The following RHPN1 variants were observed in gnomAD, a reference collection of about 807,000 sequenced individuals.
RHPN1 encodes the protein rhophilin Rho GTPase binding protein 1.
In RHPN1, 77 loss-of-function variants were observed where a neutral mutation model predicts 74.7. The observed-to-expected ratio is 1.03, with a 90% CI of 0.86 to 1.25. RHPN1 has a LOEUF of 1.25. Ranked by LOEUF, RHPN1 falls within the 50% of genes most tolerant of loss-of-function variation. The probability of loss-of-function intolerance (pLI) is 0.00; values close to 1 mark genes in which losing one functional copy is unlikely to be tolerated. For missense variants in RHPN1, 987 were observed against 932.2 expected, an observed-to-expected ratio of 1.06 and a Z score of -0.77; for synonymous variants, 444 against 414.5, an observed-to-expected ratio of 1.07 and a Z score of -0.87.
At chr8:143,368,743 G>A (rs1056624396), upstream of RHPN1, 19 of 298,650 alleles carry the variant, frequency 6.4e-5, no homozygotes, top group African/African-American at 2.2e-4. Context: ...CTGGTTGGCT[G>A]ATATAGCTGT....
At chr8:143,365,932 G>A (rs1817551483), upstream of RHPN1, among the ~76,000 whole-genome samples, 1 of 151,748 alleles carries the variant, frequency 6.6e-6, no homozygotes, top group South Asian at 2.1e-4. Flanking sequence ...AGGAGGTTGA[G>A]GCTGCAGTGA....
At chr8:143,370,233 G>A (rs746363495) in intron 1 of RHPN1, among the ~76,000 whole-genome samples, 2 of 152,240 alleles carry the variant, frequency 1.3e-5, no homozygotes, top group Non-Finnish European at 2.9e-5. Context: ...CCCTCCCTGG[G>A]CTGCCACCTT....
At chr8:143,380,297 T>C in intron 10 of RHPN1, 122 bp downstream of exon 10, 1 of 753,988 alleles carries the variant, frequency 1.3e-6, no homozygotes, top group Non-Finnish European at 2.1e-6. Flanking sequence ...TTGGGCCACC[T>C]ACCTATCCCT....
intron 1 of RHPN1, among the ~76,000 whole-genome samples, chr8:143,371,780 C>T (rs1250504138): frequency 6.6e-6 from 1 of 152,208 alleles, no homozygotes; most frequent in Non-Finnish European, 1.5e-5. Flanking sequence ...AGTGGGGTGT[C>T]AGGGCACCGT....
chr8:143,371,127 G>A (rs1817793085), intron 1 of RHPN1, among the ~76,000 whole-genome samples: 1 of 152,184 alleles, frequency 6.6e-6, no homozygotes, highest in Non-Finnish European at 1.5e-5. Flanking sequence ...GAGCATCAGA[G>A]AGAGTGGGAG....
intron 10 of RHPN1, 58 bp downstream of exon 10, chr8:143,380,233 G>GGACACCCTGCCACCGT: frequency 8.2e-7 from 1 of 1,215,040 alleles, no homozygotes; most frequent in South Asian, 1.5e-5. Context: ...CGGTGGCAGG[G>GGACACCCTGCCACCGT]TGTCCCCCAC....
chr8:143,376,427 G>T, intron 2 of RHPN1, 98 bp from the exon 3 acceptor site: 1 of 1,530,826 alleles, frequency 6.5e-7, no homozygotes, highest in Non-Finnish European at 8.9e-7. Flanking sequence ...GGGTGGGCTT[G>T]GAGCTTTGAC....
rs1334899017 is a variant in RHPN1 at position 143,381,865 on chromosome 8, G to A, written c.1694G>A (p.Trp565Ter). 1 of 1,613,072 alleles carries A rather than the reference G, an allele frequency of 6.2e-7. No homozygotes were observed. The highest frequency in any genetic ancestry group is 1.1e-5 in the South Asian group (1 of 91,070). Residue 565 changes from tryptophan to a stop codon, truncating the protein, a stop_gained, in exon 14 of 15, where the codon TGG (tryptophan) becomes TAG (stop). Transcript: ENST00000289013. LOFTEE classifies it high-confidence loss of function. ...IVSVNGQPCR[W>*]WRHAEVVTEL... ...TCAGTGAATGGGCAGCCATGCAGGTGGTGGAGACACGCGGAGGTGGTGACG... is the reference window on the plus strand; with the variant it reads ...TCAGTGAATGGGCAGCCATGCAGGTAGTGGAGACACGCGGAGGTGGTGACG...
At position 143,380,590 on chromosome 8, in the gene RHPN1, CA is replaced by C; in HGVS notation, c.1220del (p.Lys407ArgfsTer4). ...QELEERRQLG[K>X]AHLKRAILGQ... Reference sequence around the variant, plus strand: ...GACATCCCAGTGCCCCGCGTGCAGGCAAGGCACACCTGAAGCGTGCCATCCT... The same window carrying C: ...GACATCCCAGTGCCCCGCGTGCAGGCAGGCACACCTGAAGCGTGCCATCCT... On this transcript the variant is annotated frameshift_variant and splice_region_variant, in exon 11 of 15. Transcript: ENST00000289013. LOFTEE classifies it high-confidence loss of function. 6.6e-7 allele frequency: 1 copy of C among 1,505,744 alleles called. No individual in the cohort carries two copies. The highest frequency in any genetic ancestry group is 8.9e-7 in the Non-Finnish European group (1 of 1,123,234). The allele number at this position is 1,505,744 out of a possible 1,614,324, so 93.3% of individuals were successfully genotyped here.
At chr8:143,381,449 C>T in intron 12 of RHPN1, 105 bp downstream of exon 12, 3 of 1,450,516 alleles carry the variant, frequency 2.1e-6, no homozygotes, top group Non-Finnish European at 2.8e-6. Flanking sequence ...GTCCAGCCCT[C>T]CCCACCCACC....
intron 1 of RHPN1, among the ~76,000 whole-genome samples, chr8:143,371,531 C>G (rs1817820493): frequency 6.6e-6 from 1 of 152,136 alleles, no homozygotes; most frequent in Non-Finnish European, 1.5e-5. Context: ...GTTCCCAGAC[C>G]TGGGCTGGGA....
At chr8:143,379,202 A>G in intron 7 of RHPN1, 113 bp from the exon 8 acceptor site, 2 of 1,385,374 alleles carry the variant, frequency 1.4e-6, no homozygotes, top group South Asian at 2.9e-5. Flanking sequence ...GAGTGAGCAC[A>G]TCAGGTCCAT....
At chr8:143,378,400 G>T in intron 5 of RHPN1, 54 bp downstream of exon 5, 1 of 1,095,428 alleles carries the variant, frequency 9.1e-7, no homozygotes, top group Non-Finnish European at 1.2e-6. Context: ...GACACATGCG[G>T]AGGCTGAAGC....
In RHPN1 at chr8:143,369,740, G is replaced by A. The variant is rs185167231; in HGVS notation, c.60+693G>A. Among the ~76,000 whole-genome samples the A allele has an allele frequency of 8.3e-3, 1,258 of 152,262 alleles. 15 individuals are homozygous for A. The highest frequency in any genetic ancestry group is 0.028 in the African/African-American group (1,150 of 41,552). ...CCAGTCCTCCTGCCAGGCCCTGGGC[G>A]CCCACGCCCGCCACGGGCTTTCAGC... is the stretch of plus-strand genomic sequence containing the variant. On this transcript the variant is annotated intron_variant, in intron 1 of 14. Coordinates refer to ENST00000289013, the MANE Select transcript of RHPN1 (RefSeq NM_052924.3).
In RHPN1 at chr8:143,368,878, T is replaced by C; in HGVS notation, c.-110T>C. The C allele has an allele frequency of 1.3e-6, 1 of 750,980 alleles. No homozygotes were observed. The highest frequency in any genetic ancestry group is 3.8e-5 in the East Asian group (1 of 26,480). The allele number at this position is 750,980 out of a possible 1,614,324, so 46.5% of individuals were successfully genotyped here. The stretch of plus-strand genomic sequence containing the variant: ...GACAGTCGGGGACCGGCGCGGGCAC[T>C]CAGGAGCCCGCGGCCCAGGTGGTGC... On this transcript the variant is annotated 5_prime_UTR_variant, in exon 1 of 15. Coordinates refer to ENST00000289013, the MANE Select transcript of RHPN1 (RefSeq NM_052924.3).
chr8:143,370,225 C>G (rs1817735289), intron 1 of RHPN1, among the ~76,000 whole-genome samples: 1 of 152,178 alleles, frequency 6.6e-6, no homozygotes, highest in Non-Finnish European at 1.5e-5. Flanking sequence ...TGTCCTGGCC[C>G]TCCCTGGGCT....
Position 143,377,511 on chromosome 8 carries a change from G to A in RHPN1, c.381+56G>A, listed in dbSNP as rs1340865605. 3.1e-6 allele frequency: 4 copies of A among 1,272,564 alleles called. No homozygotes were observed. In the Middle Eastern group the frequency reaches 5.7e-4, roughly 180 times the overall value. 78.8% of individuals were successfully genotyped at this position (1,272,564 alleles called of 1,614,324 possible). On this transcript the variant is annotated intron_variant, in intron 4 of 14. Transcript: ENST00000289013. Reference sequence around the variant, plus strand: ...ACGGCCCTGCCCTGGGACCAAGGGGGTCTTGGAGGCTTTCTGGTCCAGCTG... The same window carrying A: ...ACGGCCCTGCCCTGGGACCAAGGGGATCTTGGAGGCTTTCTGGTCCAGCTG...
chr8:143,365,295 A>C (rs1422113719), upstream of RHPN1, among the ~76,000 whole-genome samples: 1 of 152,216 alleles, frequency 6.6e-6, no homozygotes, highest in African/African-American at 2.4e-5. Flanking sequence ...CCCAAGCCTG[A>C]ATGCCCCAGC....
At position 143,381,842 on chromosome 8, in the gene RHPN1, A is replaced by G. The variant is rs763333163; in HGVS notation, c.1671A>G (p.Ser557=). 1 of 1,612,942 alleles carries G rather than the reference A, an allele frequency of 6.2e-7. No homozygotes were observed. Among genetic ancestry groups the G allele is most frequent in the Non-Finnish European group, 8.5e-7 (1 of 1,179,748 alleles). ...TGAAGGAGGGCGACTACATTGTGTC[A>G]GTGAATGGGCAGCCATGCAGGTGGT... ...AGLKEGDYIV[S]VNGQPCRWWR... The change falls in exon 14 of 15, where the codon TCA becomes TCG. Residue 557 remains serine, a synonymous_variant. Coordinates refer to ENST00000289013, the MANE Select transcript of RHPN1 (RefSeq NM_052924.3).
Sources: gnomAD v4.1 joint callset for allele counts (sites outside exome capture counted in the v4.1 genomes callset) on GRCh38, gnomAD v4.1.1 for gene constraint, MANE v1.5 for transcripts, NCBI Gene and HGNC (gene_info 2026-07-23, HGNC 2026-07-21) for gene names.